The following EXOC2 variants were observed in gnomAD, a reference collection of about 807,000 sequenced individuals.
EXOC2 encodes exocyst complex component 2.
EXOC2 carries 70 observed loss-of-function variants against 131.8 expected under a neutral mutation model. The ratio of observed to expected loss-of-function variants is 0.53; its 90% CI spans 0.44 to 0.65. The LOEUF (loss-of-function observed/expected upper bound fraction) is 0.65. Ranked by LOEUF, EXOC2 falls within the 30% of genes least tolerant of loss-of-function variation. EXOC2 has a pLI of 0.00. For missense variants in EXOC2, 923 were observed against 1,108.6 expected, an observed-to-expected ratio of 0.83 and a Z score of 2.38; for synonymous variants, 411 against 398.4, an observed-to-expected ratio of 1.03 and a Z score of -0.38.
intron 23 of EXOC2, among the ~76,000 whole-genome samples, chr6:522,247 T>G (rs551434265): frequency 2.6e-5 from 4 of 151,956 alleles, no homozygotes; most frequent in African/African-American, 9.7e-5. Flanking sequence ...GCAAGGTGTC[T>G]CCAGGCCTCA....
At position 497,841 on chromosome 6, in the gene EXOC2, C is replaced by T. The variant is rs1220846580; in HGVS notation, c.2437-352G>A. On this transcript the variant is annotated intron_variant, in intron 24 of 27. Transcript: ENST00000230449. ...TTAGAGAAATAAGAACATACTGGGT[C>T]AATATTTTACCACAATTTAAAAAAA... Among the ~76,000 whole-genome samples, 8 of 152,178 alleles carry T rather than the reference C, an allele frequency of 5.3e-5. No individual in the cohort carries two copies. In the East Asian group the frequency reaches 1.3e-3, roughly 26 times the overall value.
rs574997329 is a variant in EXOC2, at chr6:561,872, G to A, written c.1851+912C>T. 2.4e-4 allele frequency among the ~76,000 whole-genome samples: 36 copies of A among 152,280 alleles called. No individual in the cohort carries two copies. The South Asian group carries it at 6.6e-3, about 28-fold the overall frequency. On this transcript the variant is annotated intron_variant, in intron 17 of 27. Transcript: ENST00000230449. Reference sequence around the variant, plus strand: ...GCTGGGATTATAGGCGTGAGCCACCGCACCCAGCCTATCCTTTTTTCTTAA... The same window carrying A: ...GCTGGGATTATAGGCGTGAGCCACCACACCCAGCCTATCCTTTTTTCTTAA...
chr6:549,989 T>G (rs953847550), intron 21 of EXOC2, among the ~76,000 whole-genome samples: 4 of 152,234 alleles, frequency 2.6e-5, no homozygotes, highest in Non-Finnish European at 4.4e-5. Context: ...TTACGAAAAC[T>G]ACCAGACACA....
intron 12 of EXOC2, among the ~76,000 whole-genome samples, chr6:575,744 G>C (rs1253747850): frequency 6.6e-6 from 1 of 152,192 alleles, no homozygotes; most frequent in Non-Finnish European, 1.5e-5. Context: ...GCAGCAAATG[G>C]ATTCTTACAT....
intron 1 of EXOC2, among the ~76,000 whole-genome samples, chr6:668,234 T>C (rs1202205248): frequency 6.6e-6 from 1 of 152,222 alleles, no homozygotes; most frequent in Non-Finnish European, 1.5e-5. Flanking sequence ...ATTAATGCTT[T>C]AAGTCATGCC....
intron 1 of EXOC2, among the ~76,000 whole-genome samples, chr6:644,766 A>C (rs910695088): frequency 6.9e-4 from 105 of 152,284 alleles, no homozygotes; most frequent in African/African-American, 2.5e-3. Context: ...CAAATACCTA[A>C]AAATACACTT....
intron 3 of EXOC2, among the ~76,000 whole-genome samples, chr6:630,193 A>G (rs1249006647): frequency 1.3e-5 from 2 of 152,222 alleles, no homozygotes; most frequent in East Asian, 3.8e-4. Flanking sequence ...TTATGGTTTC[A>G]TTGTACATTA....
chr6:543,504 C>A (rs376487971), intron 22 of EXOC2, among the ~76,000 whole-genome samples: 2 of 152,232 alleles, frequency 1.3e-5, no homozygotes, highest in African/African-American at 4.8e-5. Context: ...AAGGGCATGG[C>A]ATGGTAACCA....
chr6:548,817 G>A (rs997412073), intron 22 of EXOC2, among the ~76,000 whole-genome samples: 8 of 152,186 alleles, frequency 5.3e-5, no homozygotes, highest in Non-Finnish European at 7.3e-5. Flanking sequence ...TATCTAAAGC[G>A]TTCACCTAAA....
At chr6:646,478 T>C (rs375984404) in intron 1 of EXOC2, among the ~76,000 whole-genome samples, 3 of 147,630 alleles carry the variant, frequency 2.0e-5, no homozygotes, top group African/African-American at 5.0e-5. Context: ...TTCTGTAAGT[T>C]TGAAGTTATA....
At chr6:629,752 G>A (rs1191119830) in intron 4 of EXOC2, 83 bp downstream of exon 4, 26 of 1,516,026 alleles carry the variant, frequency 1.7e-5, no homozygotes, top group Admixed American at 3.9e-5. Context: ...GATGTTTCTG[G>A]AGTTTGAGTC....
chr6:680,951 TCTC>T (rs1764376781), intron 1 of EXOC2, among the ~76,000 whole-genome samples: 1 of 151,444 alleles, frequency 6.6e-6, no homozygotes, highest in Non-Finnish European at 1.5e-5. Context: ...TCTTCTTTCA[TCTC>T]CTCAACAACA....
chr6:485,940 G>C lies in EXOC2; in HGVS notation c.*731C>G, dbSNP rs773525448. The C allele has an allele frequency of 6.6e-6, 1 of 152,238 alleles. No individual in the cohort carries two copies. Among genetic ancestry groups the C allele is most frequent in the African/African-American group, 2.4e-5 (1 of 41,450 alleles). 9.4% of individuals were successfully genotyped at this position (152,238 alleles called of 1,614,324 possible). A position where few individuals can be genotyped will look rare whatever the true frequency, so the allele number is the denominator to read the frequency against. On this transcript the variant is annotated 3_prime_UTR_variant, in exon 28 of 28. Transcript: ENST00000230449. ...CGTTACACATTCACACTCCATCACA[G>C]ATAACACACAGGGCCTCAGGGACTG... is the stretch of plus-strand genomic sequence containing the variant.
At chr6:498,241 A>G (rs989542351) in intron 24 of EXOC2, among the ~76,000 whole-genome samples, 2 of 152,246 alleles carry the variant, frequency 1.3e-5, no homozygotes, top group African/African-American at 4.8e-5. Flanking sequence ...AGTAAATACT[A>G]TGAATGAAAT....
chr6:683,000 T>C (rs548392322), intron 1 of EXOC2, among the ~76,000 whole-genome samples: 118 of 152,232 alleles, frequency 7.8e-4, no homozygotes, highest in African/African-American at 2.7e-3. Flanking sequence ...GAGGCAAAGG[T>C]ACACCAGGGC....
chr6:690,634 C>T (rs1182591765), intron 1 of EXOC2, among the ~76,000 whole-genome samples: 1 of 152,290 alleles, frequency 6.6e-6, no homozygotes, highest in Admixed American at 6.5e-5. Context: ...ACCCGGGAGG[C>T]AGAGCTTGCA....
At chr6:490,289 A>C (rs763309157) in intron 26 of EXOC2, among the ~76,000 whole-genome samples, 2 of 152,206 alleles carry the variant, frequency 1.3e-5, no homozygotes, top group Non-Finnish European at 2.9e-5. Flanking sequence ...GAGGGTAGGC[A>C]TTTGCATGAA....
At chr6:613,926 CCTGCCA>C (rs1304599404) in intron 6 of EXOC2, among the ~76,000 whole-genome samples, 3 of 151,612 alleles carry the variant, frequency 2.0e-5, no homozygotes, top group African/African-American at 7.3e-5. Flanking sequence ...AAATAAAAAT[CCTGCCA>C]CATGTAGCAA....
At chr6:607,197 C>T (rs1760465595) in intron 7 of EXOC2, among the ~76,000 whole-genome samples, 1 of 152,198 alleles carries the variant, frequency 6.6e-6, no homozygotes, top group South Asian at 2.1e-4. Flanking sequence ...ATGAACTGAA[C>T]CGTGATGACT....
Sources: allele counts gnomAD v4.1 joint callset (sites outside exome capture counted in the v4.1 genomes callset), GRCh38; gene constraint gnomAD v4.1.1; transcripts MANE v1.5; gene names NCBI Gene and HGNC (gene_info 2026-07-23, HGNC 2026-07-21).